RAD51B: variants seen among roughly 807,000 people sequenced by gnomAD.
RAD51B encodes DNA repair protein RAD51 homolog 2.
Under a neutral mutation model 42.2 loss-of-function variants are expected in RAD51B, and 38 were observed. The ratio of observed to expected loss-of-function variants is 0.90; its 90% CI spans 0.70 to 1.18. The LOEUF (loss-of-function observed/expected upper bound fraction) is 1.18, where lower values mean the gene tolerates loss of function less well. Among genes scored for constraint, RAD51B ranks in the 50% most tolerant of loss-of-function variants. The pLI is 0.00. For synonymous variants in RAD51B, 154 were observed against 145.2 expected, an observed-to-expected ratio of 1.06 and a Z score of -0.43; for missense variants, 373 against 400.7, an observed-to-expected ratio of 0.93 and a Z score of 0.59.
At chr14:68,128,426 G>A (rs1356928079) in intron 7 of RAD51B, among the ~76,000 whole-genome samples, 1 of 152,166 alleles carries the variant, frequency 6.6e-6, no homozygotes, top group Non-Finnish European at 1.5e-5. Context: ...AGGCACCAGT[G>A]GCTCACTCGT....
At chr14:68,633,415 G>A (rs528718810) in intron 10 of RAD51B, among the ~76,000 whole-genome samples, 59 of 152,008 alleles carry the variant, frequency 3.9e-4, no homozygotes, top group Non-Finnish European at 6.0e-4. Flanking sequence ...TCCCCCAAAC[G>A]GCTGGCTCCC....
At chr14:68,586,063 C>T (rs1436619213) in intron 10 of RAD51B, among the ~76,000 whole-genome samples, 1 of 150,050 alleles carries the variant, frequency 6.7e-6, no homozygotes, top group East Asian at 2.0e-4. Context: ...TTCCTGCAGC[C>T]CTCCCTTACC....
At chr14:68,106,008 TAAATGTAAA>T (rs2077372030) in intron 7 of RAD51B, among the ~76,000 whole-genome samples, 1 of 151,968 alleles carries the variant, frequency 6.6e-6, no homozygotes, top group Non-Finnish European at 1.5e-5. Context: ...TGCGGTGTTT[TAAATGTAAA>T]ACACTAGCTC....
chr14:68,497,149 A>C (rs1192412493), intron 10 of RAD51B: 1 of 1,400,092 alleles, frequency 7.1e-7, no homozygotes, highest in Non-Finnish European at 9.6e-7. Context: ...AGAGACAGAT[A>C]AATGTGCAAA....
At chr14:68,280,563 C>T (rs2081301254) in intron 7 of RAD51B, among the ~76,000 whole-genome samples, 1 of 152,186 alleles carries the variant, frequency 6.6e-6, no homozygotes, top group Non-Finnish European at 1.5e-5. Context: ...CAACACAACT[C>T]AAGCAATTGG....
intron 7 of RAD51B, among the ~76,000 whole-genome samples, chr14:68,167,932 A>G (rs536712699): frequency 2.0e-5 from 3 of 152,310 alleles, no homozygotes; most frequent in African/African-American, 4.8e-5. Context: ...TCTCTAAAGC[A>G]TATACAATAT....
At chr14:68,386,336 G>A (rs2083593157) in intron 8 of RAD51B, among the ~76,000 whole-genome samples, 1 of 152,074 alleles carries the variant, frequency 6.6e-6, no homozygotes, top group African/African-American at 2.4e-5. Context: ...TAGACAATTG[G>A]GTTAAGTTTC....
chr14:68,310,446 T>C (rs2081947667), intron 8 of RAD51B, among the ~76,000 whole-genome samples: 1 of 152,320 alleles, frequency 6.6e-6, no homozygotes, highest in Middle Eastern at 3.4e-3. Flanking sequence ...ACGGTAGATA[T>C]GATCACAACA....
At chr14:68,361,734 G>T (rs374708079) in intron 8 of RAD51B, among the ~76,000 whole-genome samples, 2 of 152,050 alleles carry the variant, frequency 1.3e-5, no homozygotes, top group Non-Finnish European at 2.9e-5. Context: ...GGAGTATGGC[G>T]GCACGATCTC....
At chr14:67,879,624 A>G (rs183360942) in intron 5 of RAD51B, among the ~76,000 whole-genome samples, 44 of 152,108 alleles carry the variant, frequency 2.9e-4, no homozygotes, top group African/African-American at 1.1e-3. Context: ...TGTATTTTTT[A>G]TGGAAAATAA....
At chr14:68,318,873 C>G (rs1428847561) in intron 8 of RAD51B, among the ~76,000 whole-genome samples, 1 of 152,132 alleles carries the variant, frequency 6.6e-6, no homozygotes, top group Non-Finnish European at 1.5e-5. Flanking sequence ...TTTGGAAGAA[C>G]ATAACTTAAC....
At chr14:68,127,014 C>T (rs1335276687) in intron 7 of RAD51B, among the ~76,000 whole-genome samples, 2 of 152,148 alleles carry the variant, frequency 1.3e-5, no homozygotes, top group African/African-American at 4.8e-5. Context: ...TCAGATACCA[C>T]CTCCTTTGTG....
intron 6 of RAD51B, 126 bp downstream of exon 6, chr14:67,886,114 GTTC>G: frequency 1.4e-6 from 1 of 718,126 alleles, no homozygotes; most frequent in South Asian, 3.7e-5. Flanking sequence ...CTTTTTCAGT[GTTC>G]TTCTTTGTTA....
intron 10 of RAD51B, among the ~76,000 whole-genome samples, chr14:68,585,984 T>C (rs1321577525): frequency 6.6e-6 from 1 of 152,132 alleles, no homozygotes; most frequent in Admixed American, 6.5e-5. Context: ...GCAGATCTCA[T>C]CAAGGCCCTG....
intron 7 of RAD51B, among the ~76,000 whole-genome samples, chr14:67,981,500 C>G (rs1276853097): frequency 6.6e-6 from 1 of 152,144 alleles, no homozygotes; most frequent in South Asian, 2.1e-4. Flanking sequence ...CATGCAAGGG[C>G]TTGTACATAA....
At chr14:68,281,896 A>G (rs567548663) in intron 7 of RAD51B, among the ~76,000 whole-genome samples, 110 of 152,106 alleles carry the variant, frequency 7.2e-4, no homozygotes, top group African/African-American at 2.4e-3. Context: ...TTTCCAAGCC[A>G]GTATCAGAGA....
chr14:68,143,067 CTG>C (rs1270122841), intron 7 of RAD51B, among the ~76,000 whole-genome samples: 1 of 151,940 alleles, frequency 6.6e-6, no homozygotes, highest in East Asian at 1.9e-4. Context: ...TAAAGGAACA[CTG>C]TGATTTCTGT....
At chr14:68,438,365 G>A (rs1425925961) in intron 9 of RAD51B, among the ~76,000 whole-genome samples, 1 of 152,132 alleles carries the variant, frequency 6.6e-6, no homozygotes, top group African/African-American at 2.4e-5. Context: ...TTGTTCCTGA[G>A]GCAAATGAGT....
chr14:68,003,751 C>A (rs1375707676), intron 7 of RAD51B, among the ~76,000 whole-genome samples: 1 of 152,078 alleles, frequency 6.6e-6, no homozygotes, highest in Non-Finnish European at 1.5e-5. Context: ...TTATTGAAGG[C>A]CTTTTCTGCA....
Sources: gnomAD v4.1 joint callset for allele counts (sites outside exome capture counted in the v4.1 genomes callset) on GRCh38, gnomAD v4.1.1 for gene constraint, MANE v1.5 for transcripts, NCBI Gene and HGNC (gene_info 2026-07-23, HGNC 2026-07-21) for gene names.